Variants in PCDHA4 observed in about 807,000 individuals in gnomAD.
PCDHA4 encodes the protein protocadherin alpha-4.
In PCDHA4, 49 loss-of-function variants were observed where a neutral mutation model predicts 61.4. That is an observed-to-expected ratio of 0.80 (90% CI 0.63 to 1.01). The LOEUF (loss-of-function observed/expected upper bound fraction) is 1.01, where lower values mean the gene tolerates loss of function less well. PCDHA4 is among the 50% of genes least tolerant of loss of function. The probability of loss-of-function intolerance (pLI) is 0.00; values close to 1 mark genes in which losing one functional copy is unlikely to be tolerated. For synonymous variants in PCDHA4, 590 were observed against 550.3 expected, an observed-to-expected ratio of 1.07 and a Z score of -1.01; for missense variants, 1,254 against 1,235.8, an observed-to-expected ratio of 1.01 and a Z score of -0.22.
chr5:140,855,410 T>A (rs2043456249), intron 1 of PCDHA4, among the ~76,000 whole-genome samples: 1 of 149,998 alleles, frequency 6.7e-6, no homozygotes, highest in Admixed American at 6.7e-5. Context: ...TTGAAGCTAA[T>A]GATCTCTAAA....
At chr5:140,925,176 A>G (rs187925786) in intron 1 of PCDHA4, among the ~76,000 whole-genome samples, 2 of 152,236 alleles carry the variant, frequency 1.3e-5, no homozygotes, top group African/African-American at 2.4e-5. Context: ...ATTGACCCCA[A>G]TGTACCATCA....
At chr5:140,861,541 A>C (rs2046969106) in intron 1 of PCDHA4, 1 of 426,724 alleles carries the variant, frequency 2.3e-6, no homozygotes, top group Admixed American at 2.3e-5. Context: ...TGCAGCATCC[A>C]CCTGGAAGTG....
chr5:140,910,661 A>G (rs1289499574), intron 1 of PCDHA4, among the ~76,000 whole-genome samples: 1 of 152,186 alleles, frequency 6.6e-6, no homozygotes, highest in Non-Finnish European at 1.5e-5. Context: ...CTTCCTCTAC[A>G]TTAAACCAAG....
intron 1 of PCDHA4, chr5:140,968,960 T>C (rs1563384845): frequency 6.2e-7 from 1 of 1,614,212 alleles, no homozygotes; most frequent in South Asian, 1.1e-5. Context: ...CATCAAGTGC[T>C]ACCGCTACAC....
intron 1 of PCDHA4, chr5:140,856,567 A>C: frequency 6.3e-7 from 1 of 1,597,710 alleles, no homozygotes; most frequent in Non-Finnish European, 8.6e-7. Flanking sequence ...AACTCAGTCC[A>C]AATGAGTATT....
intron 2 of PCDHA4, among the ~76,000 whole-genome samples, chr5:140,981,687 A>ATCATTCATTCAT (rs200213847): frequency 1.1e-4 from 17 of 151,972 alleles, no homozygotes; most frequent in African/African-American, 4.1e-4. Context: ...CCTCCCTTCC[A>ATCATTCATTCAT]TCATTCATTC....
intron 1 of PCDHA4, chr5:140,834,910 A>G (rs1379120626): frequency 6.3e-7 from 1 of 1,595,988 alleles, no homozygotes; most frequent in Non-Finnish European, 8.5e-7. Flanking sequence ...AGCCCCAATG[A>G]GTATTTCTTC....
At chr5:140,809,926 T>C (rs1764568017) in intron 1 of PCDHA4, 1 of 170,806 alleles carries the variant, frequency 5.9e-6, no homozygotes, top group Admixed American at 5.9e-5. Flanking sequence ...TAAAGCTCCA[T>C]AAATTGTATG....
chr5:140,991,317 T>C (rs2097444971), intron 3 of PCDHA4, among the ~76,000 whole-genome samples: 1 of 152,208 alleles, frequency 6.6e-6, no homozygotes, highest in Admixed American at 6.5e-5. Flanking sequence ...TCCCGCATGA[T>C]ACATGAAGGG....
At chr5:140,835,817 G>C (rs2150245565) in intron 1 of PCDHA4, 1 of 1,612,752 alleles carries the variant, frequency 6.2e-7, no homozygotes, top group Non-Finnish European at 8.5e-7. Flanking sequence ...TCACTGTGTC[G>C]GCGGGGGACG....
At chr5:140,964,866 C>A (rs2095858965) in intron 1 of PCDHA4, among the ~76,000 whole-genome samples, 1 of 152,132 alleles carries the variant, frequency 6.6e-6, no homozygotes, top group Non-Finnish European at 1.5e-5. Flanking sequence ...ACAAAGAGGA[C>A]AAATAAGAAG....
chr5:140,883,098 T>C lies in PCDHA4; in HGVS notation c.2385+73526T>C, dbSNP rs369154076. 21 of 1,614,014 alleles carry C rather than the reference T, an allele frequency of 1.3e-5. No homozygotes were observed. In the East Asian group the frequency reaches 4.0e-4, roughly 31 times the overall value. On this transcript the variant is annotated intron_variant, in intron 1 of 3. Coordinates refer to ENST00000530339, the MANE Select transcript of PCDHA4 (RefSeq NM_018907.4). ...CCTGATGATGGTACAAATGGAGATA[T>C]AGTTTACTCATTTAGAAGGCCTGTA... is the stretch of plus-strand genomic sequence containing the variant.
rs1053041034 is a variant in PCDHA4 at position 141,011,123 on chromosome 5, T to G, written c.*1186T>G. ...CTCTCTCTTTTCTAAGAAACAATTA[T>G]GTGCACTTTGATACACAACCTTCTC... is the stretch of plus-strand genomic sequence containing the variant. On this transcript the variant is annotated 3_prime_UTR_variant, in exon 4 of 4. Coordinates refer to ENST00000530339, the MANE Select transcript of PCDHA4 (RefSeq NM_018907.4). 3 of 153,884 alleles carry G rather than the reference T, an allele frequency of 1.9e-5. No homozygotes were observed. The Admixed American group carries it at 2.0e-4, about 10-fold the overall frequency. The allele number at this position is 153,884 out of a possible 1,614,324, so 9.5% of individuals were successfully genotyped here.
chr5:140,908,490 G>T (rs149646315), intron 1 of PCDHA4, among the ~76,000 whole-genome samples: 3,582 of 152,250 alleles, frequency 0.024, 49 homozygotes, highest in Middle Eastern at 0.034. Flanking sequence ...GGCAGTTCAG[G>T]TTGCTTGGTG....
At chr5:140,867,423 A>G (rs1399312852) in intron 1 of PCDHA4, 14 of 152,182 alleles carry the variant, frequency 9.2e-5, no homozygotes, top group African/African-American at 3.4e-4. Flanking sequence ...TTTTTAATAC[A>G]GAATTTTGCA....
intron 1 of PCDHA4, among the ~76,000 whole-genome samples, chr5:140,838,365 C>T (rs1775701079): frequency 6.7e-6 from 1 of 149,948 alleles, no homozygotes; most frequent in African/African-American, 2.5e-5. Context: ...CTCAAGTGAT[C>T]TGACTGCCTC....
intron 1 of PCDHA4, among the ~76,000 whole-genome samples, chr5:140,903,212 A>G (rs1387552422): frequency 6.6e-6 from 1 of 152,192 alleles, no homozygotes; most frequent in African/African-American, 2.4e-5. Context: ...CACCACATTC[A>G]TGCCAACATC....
Position 140,842,210 on chromosome 5 carries a change from C to T in PCDHA4, c.2385+32638C>T, listed in dbSNP as rs2150331831. ...GGTTATTGACCACTTTAGCATAGAT[C>T]GAAATACGGGAGAAATAGTGATTCG... is the stretch of plus-strand genomic sequence containing the variant. On this transcript the variant is annotated intron_variant, in intron 1 of 3. Transcript: ENST00000530339. 73 of 1,613,414 alleles carry T rather than the reference C, an allele frequency of 4.5e-5. 2 individuals are homozygous for T. The South Asian group carries it at 7.8e-4, about 17-fold the overall frequency.
intron 1 of PCDHA4, among the ~76,000 whole-genome samples, chr5:140,886,964 A>T (rs2061244320): frequency 6.6e-6 from 1 of 152,114 alleles, no homozygotes; most frequent in Admixed American, 6.5e-5. Context: ...TTAGCAACGA[A>T]ATTTATTATT....
Sources: allele counts gnomAD v4.1 joint callset (sites outside exome capture counted in the v4.1 genomes callset), GRCh38; gene constraint gnomAD v4.1.1; transcripts MANE v1.5; gene names NCBI Gene and HGNC (gene_info 2026-07-23, HGNC 2026-07-21).